RBM25: variants seen among roughly 807,000 people sequenced by gnomAD.
RBM25 encodes RNA binding motif protein 25.
RBM25 carries 19 observed loss-of-function variants against 120.7 expected under a neutral mutation model. The observed-to-expected ratio is 0.16, with a 90% confidence interval of 0.11 to 0.23. The LOEUF is 0.23. Ranked by LOEUF, RBM25 falls within the 10% of genes least tolerant of loss-of-function variation. The pLI, the probability that RBM25 is intolerant of heterozygous loss-of-function variation, is 1.00. For missense variants in RBM25, 605 were observed against 1,041.5 expected (o/e 0.58, Z 5.77); for synonymous variants, 390 against 326.7 (o/e 1.19, Z -2.09).
intron 6 of RBM25, among the ~76,000 whole-genome samples, chr14:73,091,651 C>T (rs1476445585): frequency 6.6e-6 from 1 of 152,066 alleles, no homozygotes; most frequent in Admixed American, 6.6e-5. Context: ...GTCGGAGGAT[C>T]ACCTGAGGTC....
Position 73,119,703 on chromosome 14 carries a change from T to G in RBM25, c.2440-10T>G. 6.2e-7 allele frequency: 1 copy of G among 1,611,322 alleles called. No individual in the cohort carries two copies. Among genetic ancestry groups the G allele is most frequent in the East Asian group, 2.2e-5 (1 of 44,768 alleles). On this transcript the variant is annotated splice_polypyrimidine_tract_variant and intron_variant, in intron 18 of 18. Transcript: ENST00000261973. ...CTCTTACATGTGTTGCTGTTTTGTTTCCTCTTTAGGTACTTGATGAAGAAG... is the reference window on the plus strand; with the variant it reads ...CTCTTACATGTGTTGCTGTTTTGTTGCCTCTTTAGGTACTTGATGAAGAAG...
At chr14:73,103,139 C>T (rs1168036488) in intron 9 of RBM25, 53 bp from the exon 10 acceptor site, 3 of 1,562,532 alleles carry the variant, frequency 1.9e-6, no homozygotes, top group Non-Finnish European at 2.6e-6. Context: ...CGGGAAAAAT[C>T]TGAATACTGG....
chr14:73,082,123 C>T (rs72734448), intron 4 of RBM25, among the ~76,000 whole-genome samples: 1 of 152,224 alleles, frequency 6.6e-6, no homozygotes, highest in Non-Finnish European at 1.5e-5. Flanking sequence ...CCATCTCTTA[C>T]TATTTTGCAC....
chr14:73,064,395 C>G (rs1281327287), intron 1 of RBM25, among the ~76,000 whole-genome samples: 2 of 151,170 alleles, frequency 1.3e-5, no homozygotes, highest in African/African-American at 4.8e-5. Context: ...AGAGACCAAT[C>G]TTTTTTATTT....
chr14:73,095,930 GC>G (rs1228541385), intron 6 of RBM25, among the ~76,000 whole-genome samples: 1 of 152,136 alleles, frequency 6.6e-6, no homozygotes, highest in Non-Finnish European at 1.5e-5. Flanking sequence ...CACATTAGAA[GC>G]CAACAATTTT....
At chr14:73,094,652 C>G (rs546110467) in intron 6 of RBM25, among the ~76,000 whole-genome samples, 11 of 152,042 alleles carry the variant, frequency 7.2e-5, no homozygotes, top group Non-Finnish European at 1.5e-4. Flanking sequence ...AGGATGGTCT[C>G]CATCTCCTGA....
In RBM25 at chr14:73,111,603, T is replaced by G; in HGVS notation, c.2093T>G (p.Phe698Cys). 1 of 1,614,032 alleles carries G rather than the reference T, an allele frequency of 6.2e-7. No homozygotes were observed. The highest frequency in any genetic ancestry group is 1.7e-5 in the Admixed American group (1 of 60,008). ...CCTGTAGATAGTGTCTTTAACAAAT[T>G]TGAGGATGAAGACAGTGATGACGTA... Reference protein sequence around the residue: ...KLPVDSVFNKFEDEDSDDVPR... With the variant: ...KLPVDSVFNKCEDEDSDDVPR... The change falls in exon 16 of 19, where the codon TTT becomes TGT. Residue 698 changes from phenylalanine to cysteine, a missense_variant. Physicochemically the swap from Phe to Cys is radical, Grantham distance 205. Around this residue, in one of 4 missense-constraint regions of RBM25, gnomAD observed 465 missense variants for 741.6 expected, o/e 0.63. Coordinates refer to ENST00000261973, the MANE Select transcript of RBM25 (RefSeq NM_021239.3).
rs998946864 is a variant in RBM25 at position 73,123,473 on chromosome 14, A to C, written c.*3668A>C. ...CTTCTGTTAAGTATGAAATTGAGAA[A>C]TAGTTTTGCTCAACAAAAGATGATG... On this transcript the variant is annotated 3_prime_UTR_variant, in exon 19 of 19. Transcript: ENST00000261973. 1 of 152,182 alleles carries C rather than the reference A, an allele frequency of 6.6e-6. No homozygotes were observed. 9.4% of individuals were successfully genotyped at this position (152,182 alleles called of 1,614,324 possible).
intron 7 of RBM25, 94 bp downstream of exon 7, chr14:73,097,194 T>TTTTTTTA: frequency 2.3e-4 from 96 of 416,054 alleles, no homozygotes; most frequent in Middle Eastern, 1.7e-3. Flanking sequence ...CTTTTTTCTT[T>TTTTTTTA]TCTTTTTTTT....
chr14:73,111,715 T>A lies in RBM25; in HGVS notation c.2205T>A (p.Arg735=). The change falls in exon 16 of 19, where the codon CGT becomes CGA. Residue 735 remains arginine, a synonymous_variant. Transcript: ENST00000261973. ...GCACTGTAAACACTGAAGAAAAGCG[T>A]AAACACATTAAGAGTCTCATTGAGA... The part of the protein sequence containing the change: ...TKGTVNTEEK[R]KHIKSLIEKI... 6.2e-7 allele frequency: 1 copy of A among 1,614,112 alleles called. No individual in the cohort carries two copies. The highest frequency in any genetic ancestry group is 8.5e-7 in the Non-Finnish European group (1 of 1,179,996).
intron 7 of RBM25, among the ~76,000 whole-genome samples, chr14:73,097,665 C>T (rs968161691): frequency 1.3e-5 from 2 of 152,150 alleles, no homozygotes; most frequent in East Asian, 3.9e-4. Flanking sequence ...TATGGTTGTT[C>T]TGTCTCTGTT....
At chr14:73,107,121 G>A (rs1181035798) in intron 12 of RBM25, among the ~76,000 whole-genome samples, 6 of 152,150 alleles carry the variant, frequency 3.9e-5, no homozygotes, top group Non-Finnish European at 8.8e-5. Flanking sequence ...GATTACAGGC[G>A]TGTGCCACCA....
chr14:73,080,387 C>T (rs1408552672), intron 4 of RBM25, among the ~76,000 whole-genome samples: 1 of 151,748 alleles, frequency 6.6e-6, no homozygotes, highest in East Asian at 1.9e-4. Flanking sequence ...CCATGCCCGG[C>T]TAATTTTTTG....
chr14:73,108,073 A>G (rs905253802), intron 13 of RBM25, among the ~76,000 whole-genome samples, 174 bp downstream of exon 13: 1 of 152,270 alleles, frequency 6.6e-6, no homozygotes, highest in African/African-American at 2.4e-5. Flanking sequence ...GAAAAGAGCT[A>G]TCAGAAAAGG....
chr14:73,086,996 C>T (rs1007512686), intron 5 of RBM25, among the ~76,000 whole-genome samples: 5 of 152,210 alleles, frequency 3.3e-5, no homozygotes, highest in Admixed American at 6.5e-5. Flanking sequence ...TGAGCCACTG[C>T]GCCCGGCCTA....
chr14:73,064,310 T>A (rs1895075288), intron 1 of RBM25, among the ~76,000 whole-genome samples: 1 of 151,538 alleles, frequency 6.6e-6, no homozygotes, highest in African/African-American at 2.4e-5. Flanking sequence ...AAATAAGTAG[T>A]TGGTAATCTT....
intron 4 of RBM25, among the ~76,000 whole-genome samples, chr14:73,082,909 A>T (rs1036531590): frequency 5.5e-5 from 7 of 126,786 alleles, no homozygotes; most frequent in African/African-American, 1.6e-4. Flanking sequence ...AAAATAAATA[A>T]AAAAAAAAAA....
chr14:73,068,235 C>T, intron 1 of RBM25: 1 of 873,722 alleles, frequency 1.1e-6, no homozygotes. Context: ...ATGAGAAATG[C>T]CTCTTTAATA....
At chr14:73,102,572 G>A (rs1264847713) in intron 9 of RBM25, 1 of 152,192 alleles carries the variant, frequency 6.6e-6, no homozygotes, top group Non-Finnish European at 1.5e-5. Context: ...CTTGAAGTGA[G>A]TGATTTTCAA....
Sources: allele counts gnomAD v4.1 joint callset (sites outside exome capture counted in the v4.1 genomes callset), GRCh38; gene constraint gnomAD v4.1.1; regional missense constraint gnomAD v4.1.1; transcripts MANE v1.5; gene names NCBI Gene and HGNC (gene_info 2026-07-23, HGNC 2026-07-21).